Variants in ANGPT1 observed in about 807,000 individuals in gnomAD.
ANGPT1 encodes the protein angiopoietin 1.
Under a neutral mutation model 62.2 loss-of-function variants are expected in ANGPT1, and 17 were observed. The ratio of observed to expected loss-of-function variants is 0.27; its 90% CI spans 0.19 to 0.41. The LOEUF (loss-of-function observed/expected upper bound fraction) is 0.41, where lower values mean the gene tolerates loss of function less well. ANGPT1 is among the 10% of genes least tolerant of loss of function. ANGPT1 has a pLI of 1.00. For missense variants in ANGPT1, 478 were observed against 594.9 expected (o/e 0.80, Z 2.04); for synonymous variants, 199 against 198.9 (o/e 1.00, Z 0.00).
rs138606659 is a variant in ANGPT1 at position 107,398,862 on chromosome 8, G to A, written c.298-51765C>T. On this transcript the variant is annotated intron_variant, in intron 1 of 8. Coordinates refer to ENST00000517746, the MANE Select transcript of ANGPT1 (RefSeq NM_001146.5). The stretch of plus-strand genomic sequence containing the variant: ...CTCAGAAGACACTGGGACATTTTCA[G>A]TATTCCATAGCTCTAGATGTTCTAG... 5.1e-4 allele frequency among the ~76,000 whole-genome samples: 78 copies of A among 152,214 alleles called. No individual in the cohort carries two copies. In the East Asian group the frequency reaches 0.014, roughly 27 times the overall value.
chr8:107,301,978 A>C (rs1421879892), intron 5 of ANGPT1, among the ~76,000 whole-genome samples: 1 of 151,916 alleles, frequency 6.6e-6, no homozygotes, highest in East Asian at 1.9e-4. Flanking sequence ...TTTGCCTATC[A>C]AAGGAGACTA....
chr8:107,429,387 T>G (rs1322509858), intron 1 of ANGPT1, among the ~76,000 whole-genome samples: 3 of 152,152 alleles, frequency 2.0e-5, no homozygotes, highest in Non-Finnish European at 4.4e-5. Flanking sequence ...AAAAAGCAAC[T>G]GAAAACTTCA....
chr8:107,394,210 T>C (rs1473761745), intron 1 of ANGPT1, among the ~76,000 whole-genome samples: 1 of 152,210 alleles, frequency 6.6e-6, no homozygotes, highest in Non-Finnish European at 1.5e-5. Flanking sequence ...GATTGTTTAG[T>C]TATGGTTGGC....
At chr8:107,268,106 C>T (rs1023076030) in intron 7 of ANGPT1, among the ~76,000 whole-genome samples, 1 of 152,056 alleles carries the variant, frequency 6.6e-6, no homozygotes, top group East Asian at 1.9e-4. Context: ...TAGACTATGT[C>T]TTACTCATCT....
chr8:107,282,743 G>A (rs933456271), intron 7 of ANGPT1, among the ~76,000 whole-genome samples: 2 of 151,416 alleles, frequency 1.3e-5, no homozygotes, highest in Non-Finnish European at 2.9e-5. Context: ...CCCTAGCAGG[G>A]AAGACTTACT....
chr8:107,383,073 G>A (rs1190721950), intron 1 of ANGPT1, among the ~76,000 whole-genome samples: 1 of 152,102 alleles, frequency 6.6e-6, no homozygotes, highest in Non-Finnish European at 1.5e-5. Context: ...ACAGGATCAA[G>A]TCTACACTGT....
chr8:107,448,532 C>G (rs1464925997), intron 1 of ANGPT1, among the ~76,000 whole-genome samples: 1 of 152,090 alleles, frequency 6.6e-6, no homozygotes, highest in Non-Finnish European at 1.5e-5. Flanking sequence ...CAACTCTGCT[C>G]TTACGGTGTA....
chr8:107,342,527 T>C (rs917079687), intron 2 of ANGPT1, among the ~76,000 whole-genome samples: 1 of 152,102 alleles, frequency 6.6e-6, no homozygotes, highest in Non-Finnish European at 1.5e-5. Flanking sequence ...ATAGCAGCCA[T>C]AGACAACATA....
At chr8:107,486,330 T>C (rs770588343) in intron 1 of ANGPT1, among the ~76,000 whole-genome samples, 21 of 152,198 alleles carry the variant, frequency 1.4e-4, no homozygotes, top group Non-Finnish European at 2.6e-4. Flanking sequence ...TAAATTTAAC[T>C]ACTGCGTAAT....
chr8:107,375,355 T>C (rs1243014035), intron 1 of ANGPT1, among the ~76,000 whole-genome samples: 1 of 152,168 alleles, frequency 6.6e-6, no homozygotes, highest in Admixed American at 6.5e-5. Flanking sequence ...AATGGCCTTG[T>C]TCCCTTGAGG....
rs555606289 is a variant in ANGPT1 at position 107,309,389 on chromosome 8, C to G, written c.809-6022G>C. Among the ~76,000 whole-genome samples the G allele has an allele frequency of 8.9e-4, 135 of 152,302 alleles. 1 individual carries two copies. Among genetic ancestry groups the G allele is most frequent in the African/African-American group, 3.2e-3 (131 of 41,554 alleles). ...CATATAAAGGAAGAAAACAGCACAT[C>G]TGACAAGGTGCAAACAAGCAAACAA... On this transcript the variant is annotated intron_variant, in intron 4 of 8. Coordinates refer to ENST00000517746, the MANE Select transcript of ANGPT1 (RefSeq NM_001146.5).
chr8:107,416,327 A>G (rs1810742759), intron 1 of ANGPT1, among the ~76,000 whole-genome samples: 1 of 152,176 alleles, frequency 6.6e-6, no homozygotes, highest in Non-Finnish European at 1.5e-5. Context: ...AATTCAGGGA[A>G]CCATCTACTT....
At chr8:107,472,163 G>A (rs560161827) in intron 1 of ANGPT1, among the ~76,000 whole-genome samples, 1 of 152,144 alleles carries the variant, frequency 6.6e-6, no homozygotes, top group East Asian at 1.9e-4. Flanking sequence ...CAGAATAAAA[G>A]TGCCATTCTG....
chr8:107,322,205 G>T (rs924373505), intron 3 of ANGPT1, 77 bp from the exon 4 acceptor site: 1 of 1,043,932 alleles, frequency 9.6e-7, no homozygotes, highest in Non-Finnish European at 1.4e-6. Context: ...ATTGGTTCCT[G>T]AATTTATTTA....
chr8:107,488,316 T>G (rs1403032453), intron 1 of ANGPT1, among the ~76,000 whole-genome samples: 1 of 152,188 alleles, frequency 6.6e-6, no homozygotes, highest in Admixed American at 6.5e-5. Context: ...ACCTAACTAA[T>G]ATTTGATTAT....
intron 1 of ANGPT1, among the ~76,000 whole-genome samples, chr8:107,379,327 C>T (rs11989351): frequency 0.16 from 25,058 of 152,138 alleles, 2,513 homozygotes; most frequent in Admixed American, 0.23. Context: ...AGAAAGTCAT[C>T]ACGTCTAAGT....
In ANGPT1 at chr8:107,284,691, T is replaced by C; in HGVS notation, c.1196A>G (p.Gln399Arg). The C allele has an allele frequency of 6.3e-7, 1 of 1,583,238 alleles. No homozygotes were observed. Among genetic ancestry groups the C allele is most frequent in the Non-Finnish European group, 8.6e-7 (1 of 1,161,336 alleles). ...CTGTAGCATGACTTACCTATAGTTTTGCTTTTCATTTCCTATGTGGAATCT... is the reference window on the plus strand; with the variant it reads ...CTGTAGCATGACTTACCTATAGTTTCGCTTTTCATTTCCTATGTGGAATCT... Reference protein sequence around the residue: ...YDRFHIGNEKQNYRLYLKGHT... With the variant: ...YDRFHIGNEKRNYRLYLKGHT... Residue 399 changes from glutamine to arginine, a missense_variant, in exon 7 of 9, where the codon CAA becomes CGA. Physicochemically the swap from Gln to Arg is conservative, Grantham distance 43. Transcript: ENST00000517746.
chr8:107,332,503 G>T (rs964666407), intron 3 of ANGPT1, among the ~76,000 whole-genome samples: 2 of 152,166 alleles, frequency 1.3e-5, no homozygotes, highest in Non-Finnish European at 2.9e-5. Context: ...GCCATGTAGG[G>T]GATAGAGAAG....
intron 2 of ANGPT1, among the ~76,000 whole-genome samples, chr8:107,338,384 C>G (rs991528724): frequency 2.0e-5 from 3 of 152,214 alleles, no homozygotes; most frequent in Non-Finnish European, 4.4e-5. Context: ...TGATTCTGCA[C>G]ATGTATGATT....
Sources: allele counts gnomAD v4.1 joint callset (sites outside exome capture counted in the v4.1 genomes callset), GRCh38; gene constraint gnomAD v4.1.1; transcripts MANE v1.5; gene names NCBI Gene and HGNC (gene_info 2026-07-23, HGNC 2026-07-21).